Variants in EXT1 observed in about 807,000 individuals in gnomAD.
EXT1 encodes the protein exostosin-1.
EXT1 carries 20 observed loss-of-function variants against 82.5 expected under a neutral mutation model. That is an observed-to-expected ratio of 0.24 (90% CI 0.17 to 0.35). EXT1 has a LOEUF of 0.35. Among genes scored for constraint, EXT1 ranks in the 10% least tolerant of loss-of-function variants. EXT1 has a pLI of 1.00. For missense variants in EXT1, 757 were observed against 936.5 expected, an observed-to-expected ratio of 0.81 and a Z score of 2.50; for synonymous variants, 348 against 350.8, an observed-to-expected ratio of 0.99 and a Z score of 0.09.
chr8:117,980,651 C>T (rs1815170465), intron 1 of EXT1, among the ~76,000 whole-genome samples: 1 of 151,032 alleles, frequency 6.6e-6, no homozygotes, highest in African/African-American at 2.4e-5. Context: ...GTACTTTAAC[C>T]CAGATGGTCT....
intron 1 of EXT1, among the ~76,000 whole-genome samples, chr8:117,868,191 C>A (rs1812807784): frequency 6.6e-6 from 1 of 152,210 alleles, no homozygotes; most frequent in Admixed American, 6.5e-5. Flanking sequence ...TCAGCTGCAA[C>A]CCTCTGTATG....
chr8:117,995,263 T>C (rs190945063), intron 1 of EXT1, among the ~76,000 whole-genome samples: 158 of 152,296 alleles, frequency 1.0e-3, no homozygotes, highest in Non-Finnish European at 4.3e-4. Context: ...TCAATATTTG[T>C]TTTCAATGCA....
At chr8:117,998,758 A>G (rs1815599472) in intron 1 of EXT1, among the ~76,000 whole-genome samples, 1 of 152,220 alleles carries the variant, frequency 6.6e-6, no homozygotes, top group East Asian at 1.9e-4. Context: ...ACCGAGGGCT[A>G]ACTTGTAAAA....
At chr8:117,904,288 C>G (rs1404718332) in intron 1 of EXT1, among the ~76,000 whole-genome samples, 1 of 152,082 alleles carries the variant, frequency 6.6e-6, no homozygotes, top group East Asian at 1.9e-4. Flanking sequence ...CCTGATGTGC[C>G]TATGTCCTTC....
chr8:117,954,738 G>C (rs1052830244), intron 1 of EXT1, among the ~76,000 whole-genome samples: 13 of 152,016 alleles, frequency 8.6e-5, no homozygotes, highest in Admixed American at 7.9e-4. Context: ...ACTCATATGT[G>C]GGGGGGACCT....
chr8:117,877,421 A>C (rs1439611659), intron 1 of EXT1, among the ~76,000 whole-genome samples: 1 of 152,244 alleles, frequency 6.6e-6, no homozygotes, highest in Non-Finnish European at 1.5e-5. Flanking sequence ...TGTTGTCTCC[A>C]CTGTAGCACA....
intron 1 of EXT1, among the ~76,000 whole-genome samples, chr8:117,886,268 T>C (rs1813146828): frequency 6.6e-6 from 1 of 152,250 alleles, no homozygotes; most frequent in Non-Finnish European, 1.5e-5. Flanking sequence ...TCCTCTTTGA[T>C]GTAGTACAAA....
At chr8:118,033,375 C>T (rs1295474651) in intron 1 of EXT1, among the ~76,000 whole-genome samples, 1 of 152,218 alleles carries the variant, frequency 6.6e-6, no homozygotes, top group Non-Finnish European at 1.5e-5. Flanking sequence ...ATACTGTGTT[C>T]AGATTTAAGC....
chr8:117,863,774 AACG>A (rs1312890961), intron 1 of EXT1, among the ~76,000 whole-genome samples: 3 of 152,198 alleles, frequency 2.0e-5, no homozygotes, highest in African/African-American at 7.2e-5. Context: ...ATATGTCAGC[AACG>A]CAGGGTGAGG....
At chr8:117,863,600 C>T (rs753318586) in intron 1 of EXT1, among the ~76,000 whole-genome samples, 2 of 152,042 alleles carry the variant, frequency 1.3e-5, no homozygotes, top group Non-Finnish European at 2.9e-5. Flanking sequence ...TGCCAGATGC[C>T]GGCTTCCTCA....
chr8:118,089,837 C>T (rs535736398), intron 1 of EXT1, among the ~76,000 whole-genome samples: 4 of 152,016 alleles, frequency 2.6e-5, no homozygotes, highest in East Asian at 1.9e-4. Context: ...GTGTGGTGTG[C>T]GCGTGCATGA....
At chr8:118,092,034 TG>T (rs746743221) in intron 1 of EXT1, among the ~76,000 whole-genome samples, 3 of 152,190 alleles carry the variant, frequency 2.0e-5, no homozygotes, top group Non-Finnish European at 4.4e-5. Flanking sequence ...TGAACCTAAT[TG>T]TTATTCAAGG....
chr8:118,054,180 CT>C (rs1395928382), intron 1 of EXT1, among the ~76,000 whole-genome samples: 1 of 152,198 alleles, frequency 6.6e-6, no homozygotes, highest in Non-Finnish European at 1.5e-5. Flanking sequence ...CATTGCTCTT[CT>C]CATTTCTACC....
intron 7 of EXT1, among the ~76,000 whole-genome samples, chr8:117,813,212 C>T (rs1823360450): frequency 6.6e-6 from 1 of 152,152 alleles, no homozygotes; most frequent in South Asian, 2.1e-4. Flanking sequence ...GACATGTTCC[C>T]TGTCTTTGAA....
chr8:117,979,303 G>A (rs778243326), intron 1 of EXT1, among the ~76,000 whole-genome samples: 23 of 151,670 alleles, frequency 1.5e-4, no homozygotes, highest in Non-Finnish European at 2.2e-4. Context: ...GCACTGAGCC[G>A]AGATTGCACC....
intron 1 of EXT1, among the ~76,000 whole-genome samples, chr8:118,102,500 G>A (rs1817737523): frequency 2.0e-5 from 3 of 152,152 alleles, no homozygotes; most frequent in Admixed American, 2.0e-4. Context: ...AGAATGGTAA[G>A]GTGAATGGGT....
intron 1 of EXT1, among the ~76,000 whole-genome samples, chr8:117,861,139 A>T (rs540440111): frequency 2.6e-4 from 39 of 152,298 alleles, no homozygotes; most frequent in African/African-American, 9.4e-4. Flanking sequence ...TAACAATGAG[A>T]CTACAGACAT....
chr8:117,972,406 T>C lies in EXT1; in HGVS notation c.963-135205A>G, dbSNP rs149316345. Among the ~76,000 whole-genome samples, 36 of 152,280 alleles carry C rather than the reference T, an allele frequency of 2.4e-4. No homozygotes were observed. In the East Asian group the frequency reaches 6.6e-3, roughly 28 times the overall value. Reference sequence around the variant, plus strand: ...CAAATAAAATTAGTTAAGTGATAGATAGACACAGGAAAGGTCAATTGCTAG... The same window carrying C: ...CAAATAAAATTAGTTAAGTGATAGACAGACACAGGAAAGGTCAATTGCTAG... On this transcript the variant is annotated intron_variant, in intron 1 of 10. Transcript: ENST00000378204.
chr8:117,812,787 A>T (rs1823348066), intron 8 of EXT1, 85 bp downstream of exon 8: 6 of 1,241,424 alleles, frequency 4.8e-6, no homozygotes, highest in Non-Finnish European at 7.0e-6. Flanking sequence ...CTGCCAAGGC[A>T]CGGCTAAAAG....
Sources: allele counts gnomAD v4.1 joint callset (sites outside exome capture counted in the v4.1 genomes callset), GRCh38; gene constraint gnomAD v4.1.1; transcripts MANE v1.5; gene names NCBI Gene and HGNC (gene_info 2026-07-23, HGNC 2026-07-21).